The following UBE2J2 variants were observed in gnomAD, a reference collection of about 807,000 sequenced individuals.
UBE2J2 encodes the protein ubiquitin-conjugating enzyme E2 J2.
Under a neutral mutation model 28.6 loss-of-function variants are expected in UBE2J2, and 5 were observed. That is an observed-to-expected ratio of 0.17 (90% CI 0.09 to 0.37). UBE2J2 has a LOEUF of 0.37. UBE2J2 is among the 10% of genes least tolerant of loss of function. The pLI is 1.00. For synonymous variants in UBE2J2, 138 were observed against 139.7 expected (o/e 0.99, Z 0.09); for missense variants, 226 against 338.9 (o/e 0.67, Z 2.62).
Position 1,256,103 on chromosome 1 carries a change from C to T in UBE2J2, c.437G>A (p.Ser146Asn). ...DFTKRQLAVQ[S>N]LAFNLKDKVF... The stretch of plus-strand genomic sequence containing the variant: ...TTTATCTTTCAAATTAAATGCTAAA[C>T]TCTGCACTGCCAGTTGTCTTTTCTA... The change falls in exon 6 of 7, where the codon AGT (serine) becomes AAT (asparagine). Residue 146 changes from serine to asparagine, a missense_variant. Ser to Asn is a conservative substitution (Grantham distance 46, BLOSUM62 1). This residue lies in a region of UBE2J2 where 133 missense variants were observed against 161.5 expected (regional missense o/e 0.82). Coordinates refer to ENST00000349431, the MANE Select transcript of UBE2J2 (RefSeq NM_058167.3). 1 of 1,613,184 alleles carries T rather than the reference C, an allele frequency of 6.2e-7. No homozygotes were observed.
rs1245810459 is a variant in UBE2J2 at position 1,256,975 on chromosome 1, G to C, written c.414+17C>G. On this transcript the variant is annotated intron_variant, in intron 5 of 6. Coordinates refer to ENST00000349431, the MANE Select transcript of UBE2J2 (RefSeq NM_058167.3). ...CACAAGGCTGACGGCCCACCAGGGA[G>C]AGGCTCTAAAACTTACCGTGAAGTC... is the stretch of plus-strand genomic sequence containing the variant. 3 of 1,482,906 alleles carry C rather than the reference G, an allele frequency of 2.0e-6. No individual in the cohort carries two copies. Among genetic ancestry groups the C allele is most frequent in the African/African-American group, 1.4e-5 (1 of 69,026 alleles). The allele number at this position is 1,482,906 out of a possible 1,614,324, so 91.9% of individuals were successfully genotyped here.
In UBE2J2 at chr1:1,268,018, C is replaced by T. The variant is rs185773890; in HGVS notation, c.1-26G>A. The T allele has an allele frequency of 1.9e-5, 30 of 1,609,878 alleles. 1 individual carries two copies. In the African/African-American group the frequency reaches 2.1e-4, roughly 11 times the overall value. On this transcript the variant is annotated intron_variant, in intron 1 of 6. Coordinates refer to ENST00000349431, the MANE Select transcript of UBE2J2 (RefSeq NM_058167.3). This position sits in a 1 kb window ranked among gnomAD's most constrained non-coding sequence, Gnocchi z 4.7. ...CTGTTAAAAGCAACGTCTACACTGA[C>T]GACGAGAAGCAGCGCCGGCCACAGC... is the stretch of plus-strand genomic sequence containing the variant.
chr1:1,263,258 G>A, intron 3 of UBE2J2, 88 bp downstream of exon 3: 2 of 1,250,612 alleles, frequency 1.6e-6, no homozygotes, highest in African/African-American at 1.5e-5. Flanking sequence ...AAAGGCTGCT[G>A]TTTGCAAATA....
chr1:1,254,934 A>G lies in UBE2J2; in HGVS notation c.*269T>C, dbSNP rs994104933. Reference sequence around the variant, plus strand: ...AAAACGGGTTTACTAAAACAGGTCCAAAGACAACACGGAAGATAAGCTACA... The same window carrying G: ...AAAACGGGTTTACTAAAACAGGTCCGAAGACAACACGGAAGATAAGCTACA... On this transcript the variant is annotated 3_prime_UTR_variant, in exon 7 of 7. Transcript: ENST00000349431. 5.5e-5 allele frequency: 22 copies of G among 398,776 alleles called. No individual in the cohort carries two copies. In the Admixed American group the frequency reaches 5.5e-4, roughly 10 times the overall value. The allele number at this position is 398,776 out of a possible 1,614,324, so 24.7% of individuals were successfully genotyped here.
rs369723239 is a variant in UBE2J2 at position 1,255,329 on chromosome 1, C to A, written c.654G>T (p.Gly218=). The part of the protein sequence containing the change: ...HAPGAVPNLA[G]LQQANRHHGL... ...CGTGGTGCCGGTTGGCCTGCTGGAGCCCTGCGAGGTTTGGGACGGCCCCCG... is the reference window on the plus strand; with the variant it reads ...CGTGGTGCCGGTTGGCCTGCTGGAGACCTGCGAGGTTTGGGACGGCCCCCG... The change falls in exon 7 of 7, where the codon GGG becomes GGT. Residue 218 remains glycine (G), a synonymous_variant. Transcript: ENST00000349431. 1 of 1,613,748 alleles carries A rather than the reference C, an allele frequency of 6.2e-7. No homozygotes were observed. The highest frequency in any genetic ancestry group is 1.1e-5 in the South Asian group (1 of 91,080).
At chr1:1,265,999 C>T (rs1031420456) in intron 2 of UBE2J2, 10 of 1,254,712 alleles carry the variant, frequency 8.0e-6, no homozygotes, top group African/African-American at 6.2e-5. Context: ...GACTTGGGGA[C>T]GCCTGACCCA....
chr1:1,268,430 G>T lies in UBE2J2; in HGVS notation c.1-438C>A, dbSNP rs900905220. On this transcript the variant is annotated intron_variant, in intron 1 of 6. Transcript: ENST00000349431. The surrounding 1 kb of genome is among the most constrained non-coding windows in gnomAD (Gnocchi z 4.7). ...ATAGAAGTGGGCAGGCACCACCGCC[G>T]GCCCCTTCACCGCACCCGGAAGCCC... Among the ~76,000 whole-genome samples, 5 of 152,140 alleles carry T rather than the reference G, an allele frequency of 3.3e-5. No homozygotes were observed. The highest frequency in any genetic ancestry group is 7.3e-5 in the Non-Finnish European group (5 of 68,030).
intron 3 of UBE2J2, among the ~76,000 whole-genome samples, chr1:1,258,780 G>C (rs1467107576): frequency 6.6e-6 from 1 of 152,240 alleles, no homozygotes. Flanking sequence ...TCAATCTAGA[G>C]CCGCACACCC....
At chr1:1,270,412 G>C (rs950447095) in intron 1 of UBE2J2, among the ~76,000 whole-genome samples, 1 of 152,104 alleles carries the variant, frequency 6.6e-6, no homozygotes, top group South Asian at 2.1e-4. Flanking sequence ...GGGCTTGGCT[G>C]CTCACCCCAC....
intron 3 of UBE2J2, chr1:1,262,329 C>A (rs1203860238): frequency 2.2e-6 from 1 of 456,222 alleles, no homozygotes; most frequent in South Asian, 1.5e-5. Context: ...GGAGGGCCCA[C>A]CCTACAGATG....
intron 2 of UBE2J2, chr1:1,266,072 G>A (rs768614740): frequency 1.5e-6 from 2 of 1,303,898 alleles, no homozygotes; most frequent in South Asian, 1.2e-5. Context: ...CGAGGAGGCG[G>A]CTACCGTGGA....
At chr1:1,259,461 C>T (rs1279403608) in intron 3 of UBE2J2, among the ~76,000 whole-genome samples, 1 of 152,210 alleles carries the variant, frequency 6.6e-6, no homozygotes, top group African/African-American at 2.4e-5. Flanking sequence ...AATGCGAGTC[C>T]CCAAATCGCC....
At chr1:1,266,211 C>T (rs1338004883) in intron 2 of UBE2J2, 4 of 1,263,724 alleles carry the variant, frequency 3.2e-6, no homozygotes, top group Non-Finnish European at 4.2e-6. Flanking sequence ...CTGGGCTGGG[C>T]CTCCTCTGTG....
At chr1:1,273,233 G>T (rs918717293) in intron 1 of UBE2J2, 3 of 152,188 alleles carry the variant, frequency 2.0e-5, no homozygotes, top group African/African-American at 7.2e-5. Context: ...TCCCAGAAAC[G>T]CTGGCCCTAA....
At chr1:1,265,147 AGCCTTGG>A (rs1392461235) in intron 2 of UBE2J2, among the ~76,000 whole-genome samples, 2 of 152,190 alleles carry the variant, frequency 1.3e-5, no homozygotes, top group Non-Finnish European at 2.9e-5. Context: ...AGAGCCCAGC[AGCCTTGG>A]GGCGGCTGAG....
chr1:1,257,151 C>T (rs1177961201), intron 4 of UBE2J2, 21 bp from the exon 5 acceptor site: 1 of 1,608,662 alleles, frequency 6.2e-7, no homozygotes, highest in East Asian at 2.2e-5. Context: ...GGGGCCCCGT[C>T]AGTGCACACT....
chr1:1,268,123 A>C lies in UBE2J2; in HGVS notation c.1-131T>G. ...GCCCGGTCACCCAGAGTCACAGCTC[A>C]CAGGTCACCCTCGCTTGCCACCCGC... On this transcript the variant is annotated intron_variant, in intron 1 of 6. Transcript: ENST00000349431. This position sits in a 1 kb window ranked among gnomAD's most constrained non-coding sequence, Gnocchi z 4.7. The C allele has an allele frequency of 5.3e-5, 68 of 1,292,674 alleles. No homozygotes were observed. The highest frequency in any genetic ancestry group is 6.7e-5 in the Non-Finnish European group (62 of 926,664). 80.1% of individuals were successfully genotyped at this position (1,292,674 alleles called of 1,614,324 possible).
rs1639679838 is a variant in UBE2J2 at position 1,263,564 on chromosome 1, C to T, written c.132-178G>A. 4 of 602,420 alleles carry T rather than the reference C, an allele frequency of 6.6e-6. No individual in the cohort carries two copies. The Admixed American group carries it at 8.1e-5, about 12-fold the overall frequency. The allele number at this position is 602,420 out of a possible 1,614,324, so 37.3% of individuals were successfully genotyped here. On this transcript the variant is annotated intron_variant, in intron 2 of 6. Transcript: ENST00000349431. ...GCTTCAAAACCCCCGTCTCTTCTAC[C>T]GTGGGTGCTTTTAGTCTCTTGTAAC... is the stretch of plus-strand genomic sequence containing the variant.
intron 1 of UBE2J2, among the ~76,000 whole-genome samples, chr1:1,269,538 G>A (rs1640045148): frequency 6.6e-6 from 1 of 150,926 alleles, no homozygotes; most frequent in Admixed American, 6.6e-5. Flanking sequence ...TCCGCTCACT[G>A]CAACCTCTGC....
Sources: allele counts gnomAD v4.1 joint callset (sites outside exome capture counted in the v4.1 genomes callset), GRCh38; gene constraint gnomAD v4.1.1; regional missense constraint gnomAD v4.1.1; non-coding constraint Gnocchi (gnomAD v3.1); transcripts MANE v1.5; gene names NCBI Gene and HGNC (gene_info 2026-07-23, HGNC 2026-07-21).